The following MYO16 variants were observed in gnomAD, a reference collection of about 807,000 sequenced individuals.
MYO16 encodes myosin XVI.
In MYO16, 94 loss-of-function variants were observed where a neutral mutation model predicts 205.3. The ratio of observed to expected loss-of-function variants is 0.46; its 90% CI spans 0.39 to 0.54. The LOEUF is 0.54. Ranked by LOEUF, MYO16 falls within the 20% of genes least tolerant of loss-of-function variation. The probability of loss-of-function intolerance (pLI) is 0.00; values close to 1 mark genes in which losing one functional copy is unlikely to be tolerated. For missense variants in MYO16, 2,315 were observed against 2,387.5 expected, an observed-to-expected ratio of 0.97 and a Z score of 0.63; for synonymous variants, 988 against 954.0, an observed-to-expected ratio of 1.04 and a Z score of -0.66.
At chr13:108,747,084 G>T (rs1254382331) in intron 4 of MYO16, among the ~76,000 whole-genome samples, 1 of 152,086 alleles carries the variant, frequency 6.6e-6, no homozygotes, top group Non-Finnish European at 1.5e-5. Flanking sequence ...CTGTGAAAAA[G>T]AATAAAGTTT....
rs746263109 is a variant in MYO16 at position 109,127,372 on chromosome 13, C to A, written c.3873C>A (p.Gly1291=). 1.2e-6 allele frequency: 2 copies of A among 1,613,644 alleles called. No homozygotes were observed. The highest frequency in any genetic ancestry group is 2.7e-5 in the African/African-American group (2 of 75,048). ...AVDGLGQCLV[G]PSIWSPSLHS... Reference sequence around the variant, plus strand: ...ATGGCCTGGGCCAGTGCCTCGTTGGCCCGTCCATCTGGTCTCCTTCGCTGC... The same window carrying A: ...ATGGCCTGGGCCAGTGCCTCGTTGGACCGTCCATCTGGTCTCCTTCGCTGC... Residue 1291 remains glycine (G), a synonymous_variant, in exon 31 of 35, where the codon GGC becomes GGA. Transcript: ENST00000457511. This position sits in a 1 kb window ranked among gnomAD's most constrained non-coding sequence, Gnocchi z 4.2.
At chr13:108,553,708 C>G in the MYO16 span, among the ~76,000 whole-genome samples, 3 of 152,144 alleles carry the variant, frequency 2.0e-5, no homozygotes, top group Non-Finnish European at 2.9e-5. Context: ...TTTGCCTTCA[C>G]TTTGGATTGC....
At chr13:109,018,387 T>G (rs1885901664) in intron 22 of MYO16, among the ~76,000 whole-genome samples, 1 of 152,176 alleles carries the variant, frequency 6.6e-6, no homozygotes, top group Non-Finnish European at 1.5e-5. Flanking sequence ...CCCAGCTGTA[T>G]GAGGTGTCAG....
chr13:108,806,868 C>G, intron 7 of MYO16, 64 bp downstream of exon 7: 1 of 1,189,796 alleles, frequency 8.4e-7, no homozygotes, highest in South Asian at 2.5e-5. Flanking sequence ...ATTTCATATT[C>G]AATTTTGATT....
At chr13:109,195,380 A>G (rs1344455393) in intron 34 of MYO16, among the ~76,000 whole-genome samples, 2 of 152,164 alleles carry the variant, frequency 1.3e-5, no homozygotes, top group Non-Finnish European at 2.9e-5. Context: ...TTAAAACACC[A>G]CAAGTGCTAT....
chr13:108,993,667 A>G (rs562975769), intron 21 of MYO16, among the ~76,000 whole-genome samples: 28 of 152,288 alleles, frequency 1.8e-4, no homozygotes, highest in African/African-American at 6.5e-4. Context: ...GATTAATAGA[A>G]AAGGAGATAC....
At chr13:108,714,900 G>C (rs1883882108) in intron 3 of MYO16, among the ~76,000 whole-genome samples, 1 of 152,066 alleles carries the variant, frequency 6.6e-6, no homozygotes, top group Non-Finnish European at 1.5e-5. Context: ...ACAGCTGCCA[G>C]TCGGTTTTAA....
chr13:108,505,117 G>A, the MYO16 span, among the ~76,000 whole-genome samples: 1 of 152,116 alleles, frequency 6.6e-6, no homozygotes, highest in Non-Finnish European at 1.5e-5. Flanking sequence ...TGATGGACAT[G>A]GGTGTGCAAG....
the MYO16 span, among the ~76,000 whole-genome samples, chr13:108,540,389 T>C: frequency 6.6e-6 from 1 of 152,096 alleles, no homozygotes; most frequent in African/African-American, 2.4e-5. Flanking sequence ...TGGAAAAACT[T>C]TTTTTGGCCC....
intron 1 of MYO16, among the ~76,000 whole-genome samples, chr13:108,630,175 G>T (rs1049367242): frequency 4.7e-5 from 7 of 150,090 alleles, no homozygotes; most frequent in Admixed American, 6.6e-5. Flanking sequence ...CACATGGAAA[G>T]AAATTACAAA....
At chr13:109,113,187 C>T (rs1333845995) in intron 28 of MYO16, among the ~76,000 whole-genome samples, 2 of 152,110 alleles carry the variant, frequency 1.3e-5, no homozygotes, top group East Asian at 3.9e-4. Context: ...GCCTACTATA[C>T]AACATTTCAC....
At chr13:109,063,699 T>A (rs1032026052) in intron 27 of MYO16, among the ~76,000 whole-genome samples, 1 of 152,200 alleles carries the variant, frequency 6.6e-6, no homozygotes, top group Non-Finnish European at 1.5e-5. Flanking sequence ...CAGCCGTGTT[T>A]GTGTGTTCAT....
chr13:108,793,480 T>TCAG, intron 5 of MYO16, 36 bp from the exon 6 acceptor site: 1 of 1,603,616 alleles, frequency 6.2e-7, no homozygotes, highest in Non-Finnish European at 8.5e-7. Flanking sequence ...GAGAAGTATC[T>TCAG]CTCCATTCTG....
At chr13:108,666,188 T>C in intron 2 of MYO16, 39 bp downstream of exon 2, 2 of 1,540,008 alleles carry the variant, frequency 1.3e-6, no homozygotes, top group Non-Finnish European at 1.8e-6. Flanking sequence ...TCTGATGTGA[T>C]TTTTCATGAT....
chr13:109,146,274 A>G (rs547643675), intron 32 of MYO16, among the ~76,000 whole-genome samples: 1 of 152,366 alleles, frequency 6.6e-6, no homozygotes, highest in South Asian at 2.1e-4. Flanking sequence ...TTGGAGTGAG[A>G]GTATTTTATA....
At chr13:108,911,066 C>CACACAG (rs59417999) in intron 16 of MYO16, among the ~76,000 whole-genome samples, 2,163 of 143,026 alleles carry the variant, frequency 0.015, 23 homozygotes, top group Middle Eastern at 0.087. Flanking sequence ...CACACACACA[C>CACACAG]AGAGAGAGAG....
chr13:108,902,238 A>T (rs1391179279), intron 15 of MYO16, among the ~76,000 whole-genome samples: 1 of 152,210 alleles, frequency 6.6e-6, no homozygotes, highest in Non-Finnish European at 1.5e-5. Flanking sequence ...TCTCATGCCA[A>T]CGCTGGCTGT....
chr13:108,791,096 C>A (rs1408100733), intron 5 of MYO16, among the ~76,000 whole-genome samples: 1 of 152,114 alleles, frequency 6.6e-6, no homozygotes, highest in Non-Finnish European at 1.5e-5. Context: ...CATGAAATTT[C>A]ATAATCCTAA....
chr13:108,795,437 T>C (rs993107631), intron 6 of MYO16, among the ~76,000 whole-genome samples: 1 of 152,168 alleles, frequency 6.6e-6, no homozygotes, highest in African/African-American at 2.4e-5. Context: ...CTCGATCTTC[T>C]GACCTCGTGA....
Sources: allele counts gnomAD v4.1 joint callset (sites outside exome capture counted in the v4.1 genomes callset), GRCh38; gene constraint gnomAD v4.1.1; non-coding constraint Gnocchi (gnomAD v3.1); transcripts MANE v1.5; gene names NCBI Gene and HGNC (gene_info 2026-07-23, HGNC 2026-07-21).